Variants in TMEM183A observed in about 807,000 individuals in gnomAD.
TMEM183A encodes the protein transmembrane protein 183A, also known as chromosome 1 open reading frame 37.
In TMEM183A, 21 loss-of-function variants were observed where a neutral mutation model predicts 46.7. The observed-to-expected ratio is 0.45, with a 90% CI of 0.32 to 0.65. TMEM183A has a LOEUF of 0.65. Among genes scored for constraint, TMEM183A ranks in the 30% least tolerant of loss-of-function variants. The pLI, the probability that TMEM183A is intolerant of heterozygous loss-of-function variation, is 0.04. For missense variants in TMEM183A, 331 were observed against 481.9 expected (o/e 0.69, Z 2.93); for synonymous variants, 165 against 180.2 (o/e 0.92, Z 0.68).
intron 7 of TMEM183A, among the ~76,000 whole-genome samples, chr1:203,022,078 T>G (rs1301419792): frequency 6.6e-6 from 1 of 152,122 alleles, no homozygotes; most frequent in African/African-American, 2.4e-5. Flanking sequence ...TTTGTTTTGT[T>G]TTTTTTGAGA....
chr1:203,016,402 A>G (rs1252250331), intron 5 of TMEM183A, among the ~76,000 whole-genome samples: 1 of 152,168 alleles, frequency 6.6e-6, no homozygotes, highest in Admixed American at 6.5e-5. Context: ...TACATTGTAC[A>G]TTGGACCACT....
At chr1:203,021,148 T>C (rs1282686155) in intron 7 of TMEM183A, among the ~76,000 whole-genome samples, 200 bp downstream of exon 7, 1 of 151,800 alleles carries the variant, frequency 6.6e-6, no homozygotes, top group Non-Finnish European at 1.5e-5. Context: ...TCCTCTTGCT[T>C]CAGCCTCCCA....
In TMEM183A at chr1:203,024,818, G is replaced by C. The variant is rs1658056145; in HGVS notation, c.*1778G>C. On this transcript the variant is annotated 3_prime_UTR_variant, in exon 8 of 8. Coordinates refer to ENST00000367242, the MANE Select transcript of TMEM183A (RefSeq NM_138391.6). ...CCCGCTTAGGAGTACCTTTAAAAAG[G>C]GGGTGAAATAAATTTGGCTTAATAA... 6.6e-6 allele frequency: 1 copy of C among 152,160 alleles called. No individual in the cohort carries two copies. 9.4% of individuals were successfully genotyped at this position (152,160 alleles called of 1,614,324 possible).
chr1:203,015,053 G>T lies in TMEM183A; in HGVS notation c.527+5G>T. On this transcript the variant is annotated splice_donor_5th_base_variant and intron_variant, in intron 4 of 7. Coordinates refer to ENST00000367242, the MANE Select transcript of TMEM183A (RefSeq NM_138391.6). The stretch of plus-strand genomic sequence containing the variant: ...TTGGACCAGGTTGTACCGAAGGTGC[G>T]ACCACAGAGAGCTCACTCTTTTATC... 6.2e-7 allele frequency: 1 copy of T among 1,604,744 alleles called. No homozygotes were observed. The highest frequency in any genetic ancestry group is 2.2e-5 in the East Asian group (1 of 44,864).
At chr1:203,021,024 G>T (rs1287389060) in intron 7 of TMEM183A, 76 bp downstream of exon 7, 28 of 1,105,348 alleles carry the variant, frequency 2.5e-5, no homozygotes, top group Admixed American at 4.3e-5. Context: ...GTGAACCGCA[G>T]CTCTTTTTTT....
chr1:203,015,744 G>A (rs1657107027), intron 4 of TMEM183A: 2 of 578,506 alleles, frequency 3.5e-6, no homozygotes, highest in Non-Finnish European at 6.0e-6. Context: ...CAGTGAAAAA[G>A]TGAGGACTTC....
chr1:203,013,299 C>T lies in TMEM183A; in HGVS notation c.368-1590C>T, dbSNP rs1656853270. Among the ~76,000 whole-genome samples, 1 of 152,070 alleles carries T rather than the reference C, an allele frequency of 6.6e-6. No individual in the cohort carries two copies. Among genetic ancestry groups the T allele is most frequent in the South Asian group, 2.1e-4 (1 of 4,822 alleles). ...GGAGATGGTGTAGGGGCTTTTTCCC[C>T]AGGAAGGAAGAAAGCTGGTCATTTT... On this transcript the variant is annotated intron_variant, in intron 3 of 7. Coordinates refer to ENST00000367242, the MANE Select transcript of TMEM183A (RefSeq NM_138391.6). The surrounding 1 kb of genome is among the most constrained non-coding windows in gnomAD (Gnocchi z 4.0).
At chr1:203,015,102 T>C in intron 4 of TMEM183A, 54 bp downstream of exon 4, 1 of 1,598,360 alleles carries the variant, frequency 6.3e-7, no homozygotes, top group Non-Finnish European at 8.5e-7. Flanking sequence ...TCATTACTGT[T>C]TGTGATTTGG....
rs1419257652 is a variant in TMEM183A at position 203,024,277 on chromosome 1, C to G, written c.*1237C>G. 1 of 152,122 alleles carries G rather than the reference C, an allele frequency of 6.6e-6. No homozygotes were observed. The highest frequency in any genetic ancestry group is 1.9e-4 in the East Asian group (1 of 5,192). 9.4% of individuals were successfully genotyped at this position (152,122 alleles called of 1,614,324 possible). Reference sequence around the variant, plus strand: ...TGTCCTCCTGTTGTTTAGATGACTCCTATTGTTCAGGTGTACTCTGAGAAG... The same window carrying G: ...TGTCCTCCTGTTGTTTAGATGACTCGTATTGTTCAGGTGTACTCTGAGAAG... On this transcript the variant is annotated 3_prime_UTR_variant, in exon 8 of 8. Transcript: ENST00000367242.
At chr1:203,008,954 G>T (rs944485346) in intron 3 of TMEM183A, 144 bp downstream of exon 3, 10 of 768,154 alleles carry the variant, frequency 1.3e-5, no homozygotes, top group African/African-American at 1.8e-5. Context: ...AAGAACCTTG[G>T]TAGTGGGCCG....
intron 4 of TMEM183A, chr1:203,015,282 G>A: frequency 3.5e-6 from 2 of 567,898 alleles, no homozygotes; most frequent in Non-Finnish European, 6.0e-6. Context: ...TCCACTTTCA[G>A]CAAAACGTCT....
intron 2 of TMEM183A, 31 bp downstream of exon 2, chr1:203,007,894 T>C: frequency 6.2e-7 from 1 of 1,613,144 alleles, no homozygotes; most frequent in Non-Finnish European, 8.5e-7. Context: ...TAAAGACTCA[T>C]GCCGCGAAGA....
intron 3 of TMEM183A, among the ~76,000 whole-genome samples, chr1:203,009,931 C>G (rs943770184): frequency 6.6e-6 from 1 of 152,054 alleles, no homozygotes; most frequent in Non-Finnish European, 1.5e-5. Flanking sequence ...GTCAGGAGTT[C>G]GAGACCATCC....
chr1:203,017,948 C>T (rs1016631091), intron 5 of TMEM183A: 4 of 986,156 alleles, frequency 4.1e-6, no homozygotes, highest in Non-Finnish European at 4.8e-6. Flanking sequence ...TTAACCCTAG[C>T]TGTAGCCTGA....
At chr1:203,022,732 T>A in intron 7 of TMEM183A, 123 bp from the exon 8 acceptor site, 3 of 1,333,378 alleles carry the variant, frequency 2.2e-6, no homozygotes, top group Non-Finnish European at 3.1e-6. Flanking sequence ...GTTTGTTTTA[T>A]AATTTAGAGA....
Position 203,020,921 on chromosome 1 carries a change from G to C in TMEM183A, c.918G>C (p.Pro306=). The part of the protein sequence containing the change: ...QVTTLNFIFI[P]IVMGMIFTLF... ...CCACCCTCAATTTCATCTTTATTCCGATTGTCATGGGAATGATATTTACTC... is the reference window on the plus strand; with the variant it reads ...CCACCCTCAATTTCATCTTTATTCCCATTGTCATGGGAATGATATTTACTC... The change falls in exon 7 of 8, where the codon CCG becomes CCC. Residue 306 remains proline (P), a synonymous_variant. Transcript: ENST00000367242. The C allele has an allele frequency of 6.2e-7, 1 of 1,605,032 alleles. No individual in the cohort carries two copies. Among genetic ancestry groups the C allele is most frequent in the Non-Finnish European group, 8.5e-7 (1 of 1,175,924 alleles).
At chr1:203,016,234 G>T (rs943595674) in intron 5 of TMEM183A, 94 bp downstream of exon 5, 9 of 1,570,764 alleles carry the variant, frequency 5.7e-6, no homozygotes, top group Middle Eastern at 1.7e-4. Flanking sequence ...ATGGGGAGGG[G>T]TGTAGGTCCC....
At chr1:203,008,176 C>G (rs1199105751) in intron 2 of TMEM183A, among the ~76,000 whole-genome samples, 1 of 152,152 alleles carries the variant, frequency 6.6e-6, no homozygotes, top group East Asian at 1.9e-4. Context: ...GTTTAATAAC[C>G]TTGGAGTGTT....
rs372382149 is a variant in TMEM183A at position 203,008,813 on chromosome 1, A to T, written c.367+3A>T. 3.8e-6 allele frequency: 6 copies of T among 1,596,136 alleles called. No individual in the cohort carries two copies. In the African/African-American group the frequency reaches 8.1e-5, roughly 22 times the overall value. The stretch of plus-strand genomic sequence containing the variant: ...AAAGAAAAGCAAGAGACACAAAGGT[A>T]TGGAGCTTGTTCTCTTTTGGTTTAT... On this transcript the variant is annotated splice_donor_region_variant and intron_variant, in intron 3 of 7. Transcript: ENST00000367242.
Sources: allele counts gnomAD v4.1 joint callset (sites outside exome capture counted in the v4.1 genomes callset), GRCh38; gene constraint gnomAD v4.1.1; non-coding constraint Gnocchi (gnomAD v3.1); transcripts MANE v1.5; gene names NCBI Gene and HGNC (gene_info 2026-07-23, HGNC 2026-07-21).